The following CFAP53 variants were observed in gnomAD, a reference collection of about 807,000 sequenced individuals.
The protein encoded by CFAP53 is cilia- and flagella-associated protein 53.
A neutral mutation model predicts 59.7 loss-of-function variants in CFAP53; 62 were observed. The ratio of observed to expected loss-of-function variants is 1.04; its 90% CI spans 0.85 to 1.28. The LOEUF (loss-of-function observed/expected upper bound fraction) is 1.28. CFAP53 is among the 50% of genes most tolerant of loss of function. The probability of loss-of-function intolerance (pLI) is 0.00; values close to 1 mark genes in which losing one functional copy is unlikely to be tolerated. For missense variants in CFAP53, 629 were observed against 615.6 expected (o/e 1.02, Z -0.23); for synonymous variants, 218 against 205.7 (o/e 1.06, Z -0.51).
intron 3 of CFAP53, among the ~76,000 whole-genome samples, chr18:50,255,246 T>C (rs1032727627): frequency 6.6e-6 from 1 of 152,190 alleles, no homozygotes; most frequent in Non-Finnish European, 1.5e-5. Flanking sequence ...GATGAAATTA[T>C]GGGGATAGAG....
chr18:50,229,375 G>A (rs1007268349), intron 7 of CFAP53, among the ~76,000 whole-genome samples: 2 of 152,120 alleles, frequency 1.3e-5, no homozygotes, highest in Admixed American at 1.3e-4. Context: ...TTAGCATAAT[G>A]TCCTCCAGGT....
chr18:50,250,415 C>T (rs2033787012), intron 5 of CFAP53, among the ~76,000 whole-genome samples: 1 of 152,122 alleles, frequency 6.6e-6, no homozygotes, highest in African/African-American at 2.4e-5. Flanking sequence ...TTTTGCCTGA[C>T]AAAACTTTAC....
intron 5 of CFAP53, among the ~76,000 whole-genome samples, chr18:50,248,166 A>C (rs910527176): frequency 6.6e-6 from 1 of 151,872 alleles, no homozygotes; most frequent in East Asian, 1.9e-4. Flanking sequence ...GGCAAAAGAC[A>C]TGAAGAGACA....
At chr18:50,234,357 TTA>T (rs1214399036) in intron 7 of CFAP53, among the ~76,000 whole-genome samples, 1 of 152,208 alleles carries the variant, frequency 6.6e-6, no homozygotes, top group Non-Finnish European at 1.5e-5. Context: ...TGATTTTCCG[TTA>T]TCTCATTAAT....
At chr18:50,235,565 CA>C in intron 7 of CFAP53, among the ~76,000 whole-genome samples, 1 of 152,226 alleles carries the variant, frequency 6.6e-6, no homozygotes. Context: ...AATTCTGTCT[CA>C]AAAAATAATA....
At position 50,261,252 on chromosome 18, in the gene CFAP53, CAAAAAAA is replaced by C. The variant is rs71169499; in HGVS notation, c.300-22_300-16del. ...GCTCACGTAGCCTGAAACAAAAAGC[CAAAAAAA>C]AAAAAAAAAAAAGAAAACTGTCATG... On this transcript the variant is annotated splice_polypyrimidine_tract_variant and intron_variant, in intron 2 of 7. Transcript: ENST00000398545. 75 of 1,215,256 alleles carry C rather than the reference CAAAAAAA, an allele frequency of 6.2e-5. No homozygotes were observed. The highest frequency in any genetic ancestry group is 3.3e-4 in the South Asian group (15 of 46,148). 75.3% of individuals were successfully genotyped at this position (1,215,256 alleles called of 1,614,324 possible).
chr18:50,249,237 G>C (rs1192981540), intron 5 of CFAP53, among the ~76,000 whole-genome samples: 1 of 147,436 alleles, frequency 6.8e-6, no homozygotes, highest in Non-Finnish European at 1.5e-5. Flanking sequence ...TAAAAAGAAG[G>C]CTGGGTGCAG....
intron 7 of CFAP53, among the ~76,000 whole-genome samples, chr18:50,238,007 C>T (rs1790419): frequency 0.32 from 48,950 of 151,926 alleles, 8,156 homozygotes; most frequent in African/African-American, 0.4. Flanking sequence ...AAGGTTGGTG[C>T]CAATTTTTTT....
intron 7 of CFAP53, among the ~76,000 whole-genome samples, chr18:50,234,490 T>G (rs370042263): frequency 2.0e-5 from 3 of 152,192 alleles, no homozygotes; most frequent in African/African-American, 7.2e-5. Flanking sequence ...CTGGGGACCA[T>G]GGGATCCCTC....
At chr18:50,265,412 T>C (rs1318678640) in intron 1 of CFAP53, among the ~76,000 whole-genome samples, 2 of 152,196 alleles carry the variant, frequency 1.3e-5, no homozygotes, top group African/African-American at 4.8e-5. Flanking sequence ...TTGCATTATG[T>C]ATATGCAAGT....
At chr18:50,254,641 C>T (rs2033831030) in intron 3 of CFAP53, among the ~76,000 whole-genome samples, 1 of 152,160 alleles carries the variant, frequency 6.6e-6, no homozygotes, top group Non-Finnish European at 1.5e-5. Flanking sequence ...GTAATCTCAG[C>T]ACTTTGGGAG....
chr18:50,266,381 G>C lies in CFAP53; in HGVS notation c.24C>G (p.Thr8=). 1 of 1,614,272 alleles carries C rather than the reference G, an allele frequency of 6.2e-7. No individual in the cohort carries two copies. Among genetic ancestry groups the C allele is most frequent in the African/African-American group, 1.3e-5 (1 of 75,074 alleles). Residue 8 remains threonine (T), a synonymous_variant, in exon 1 of 8, where the codon ACC becomes ACG. Transcript: ENST00000398545. The part of the protein sequence containing the change: MYSQRFG[T]VQREVKGPTP... ...TGGGGCCCTTAACCTCCCGCTGTAC[G>C]GTGCCAAACCGCTGGCTGTACATTT...
chr18:50,238,802 A>C (rs1439946770), intron 6 of CFAP53, 97 bp from the exon 7 acceptor site: 34 of 809,408 alleles, frequency 4.2e-5, no homozygotes, highest in Non-Finnish European at 6.5e-5. Flanking sequence ...TTAGAAAGGC[A>C]GAGCTTAGAA....
At chr18:50,266,121 G>A (rs755883307) in intron 1 of CFAP53, among the ~76,000 whole-genome samples, 12 of 152,350 alleles carry the variant, frequency 7.9e-5, no homozygotes, top group South Asian at 4.1e-4. Context: ...ATGAAAGGCT[G>A]TAAGGATGAA....
chr18:50,251,835 C>T (rs771904814), intron 3 of CFAP53, 51 bp from the exon 4 acceptor site: 7 of 1,473,478 alleles, frequency 4.8e-6, no homozygotes, highest in Admixed American at 3.5e-5. Flanking sequence ...TGAGGCACTG[C>T]TCTATTGAGG....
chr18:50,227,209 T>C lies in CFAP53; in HGVS notation c.*172A>G, dbSNP rs1214031444. ...AGTAGATCATTTGGATTTGTAAGTC[T>C]GTGAACTCCAAAATAGGCACAGGTT... On this transcript the variant is annotated 3_prime_UTR_variant, in exon 8 of 8. Coordinates refer to ENST00000398545, the MANE Select transcript of CFAP53 (RefSeq NM_145020.5). 12 of 584,188 alleles carry C rather than the reference T, an allele frequency of 2.1e-5. No individual in the cohort carries two copies. The highest frequency in any genetic ancestry group is 3.6e-5 in the Non-Finnish European group (12 of 332,842). The allele number at this position is 584,188 out of a possible 1,614,324, so 36.2% of individuals were successfully genotyped here. A position where few individuals can be genotyped will look rare whatever the true frequency, so the allele number is the denominator to read the frequency against.
intron 5 of CFAP53, 132 bp from the exon 6 acceptor site, chr18:50,243,248 A>C (rs760498830): frequency 7.6e-6 from 5 of 661,338 alleles, no homozygotes; most frequent in Non-Finnish European, 1.3e-5. Flanking sequence ...TTACAGATGT[A>C]TGTCTGGAGT....
chr18:50,250,609 T>A, intron 5 of CFAP53, 149 bp downstream of exon 5: 1 of 647,778 alleles, frequency 1.5e-6, no homozygotes, highest in South Asian at 1.9e-5. Flanking sequence ...TTTCTGTTTC[T>A]AACATTTTCC....
At chr18:50,236,863 A>G (rs929453668) in intron 7 of CFAP53, among the ~76,000 whole-genome samples, 34 of 152,154 alleles carry the variant, frequency 2.2e-4, no homozygotes, top group African/African-American at 7.9e-4. Context: ...TAAACCACAC[A>G]TTTCAGGGTG....
Sources: allele counts gnomAD v4.1 joint callset (sites outside exome capture counted in the v4.1 genomes callset), GRCh38; gene constraint gnomAD v4.1.1; transcripts MANE v1.5; gene names NCBI Gene and HGNC (gene_info 2026-07-23, HGNC 2026-07-21).